KCTD16: variants seen among roughly 807,000 people sequenced by gnomAD.
KCTD16 encodes the protein BTB/POZ domain-containing protein KCTD16.
Under a neutral mutation model 33.2 loss-of-function variants are expected in KCTD16, and 13 were observed. That is an observed-to-expected ratio of 0.39 (90% CI 0.25 to 0.62). The LOEUF is 0.62. Ranked by LOEUF, KCTD16 falls within the 20% of genes least tolerant of loss-of-function variation. The pLI is 0.50. For synonymous variants in KCTD16, 197 were observed against 195.3 expected (o/e 1.01, Z -0.07); for missense variants, 441 against 525.1 (o/e 0.84, Z 1.57).
Position 144,207,174 on chromosome 5 carries a change from T to C in KCTD16, c.460T>C (p.Ser154Pro), listed in dbSNP as rs776987268. The C allele has an allele frequency of 1.3e-5, 21 of 1,612,574 alleles. No homozygotes were observed. Among genetic ancestry groups the C allele is most frequent in the Middle Eastern group, 1.6e-4 (1 of 6,078 alleles). The change falls in exon 3 of 4, where the codon TCC becomes CCC. Residue 154 changes from serine (S) to proline (P), a missense_variant. Ser to Pro is a moderately conservative substitution (Grantham distance 74). Around this residue, in one of 3 missense-constraint regions of KCTD16, gnomAD observed 355 missense variants for 413.0 expected, o/e 0.86. Transcript: ENST00000512467. ...QGSDTRICPP[S>P]SLLPADRKWG... Reference sequence around the variant, plus strand: ...AAGCGACACAAGAATCTGCCCCCCTTCCTCCCTGCTCCCTGCCGACCGCAA... The same window carrying C: ...AAGCGACACAAGAATCTGCCCCCCTCCCTCCCTGCTCCCTGCCGACCGCAA...
intron 3 of KCTD16, among the ~76,000 whole-genome samples, chr5:144,430,084 A>G (rs1266911711): frequency 6.6e-6 from 1 of 152,050 alleles, no homozygotes; most frequent in Non-Finnish European, 1.5e-5. Flanking sequence ...AGCTAGCTGA[A>G]TCTATATGAT....
intron 3 of KCTD16, among the ~76,000 whole-genome samples, chr5:144,420,269 A>G (rs1407779956): frequency 6.6e-6 from 1 of 152,150 alleles, no homozygotes; most frequent in Non-Finnish European, 1.5e-5. Flanking sequence ...GGGAATGCAG[A>G]TTGAACTAAG....
chr5:144,248,383 G>C (rs1754606186), intron 3 of KCTD16, among the ~76,000 whole-genome samples: 1 of 152,200 alleles, frequency 6.6e-6, no homozygotes, highest in Non-Finnish European at 1.5e-5. Context: ...GGAACACCAA[G>C]AAGGCCGGTG....
chr5:144,288,020 T>C (rs10037551), intron 3 of KCTD16, among the ~76,000 whole-genome samples: 35,451 of 152,052 alleles, frequency 0.23, 4,357 homozygotes, highest in Non-Finnish European at 0.28. Context: ...TTTTAAACTT[T>C]AGTGTGCATA....
chr5:144,383,807 T>C (rs778700962), intron 3 of KCTD16, among the ~76,000 whole-genome samples: 3 of 152,146 alleles, frequency 2.0e-5, no homozygotes, highest in Non-Finnish European at 4.4e-5. Context: ...CTTTATTTGG[T>C]TTCAGTTATG....
intron 3 of KCTD16, among the ~76,000 whole-genome samples, chr5:144,356,417 T>A (rs969477055): frequency 4.0e-5 from 6 of 151,896 alleles, no homozygotes; most frequent in African/African-American, 1.5e-4. Context: ...TGGTCTTCAG[T>A]TTTTTTTCAT....
At chr5:144,296,326 ATAC>A (rs1436849870) in intron 3 of KCTD16, among the ~76,000 whole-genome samples, 1 of 152,264 alleles carries the variant, frequency 6.6e-6, no homozygotes, top group Non-Finnish European at 1.5e-5. Flanking sequence ...GAATGAATAA[ATAC>A]ATTTATGTAA....
intron 3 of KCTD16, among the ~76,000 whole-genome samples, chr5:144,212,112 C>T (rs927537138): frequency 7.9e-5 from 12 of 152,036 alleles, no homozygotes; most frequent in Admixed American, 6.6e-4. Context: ...AAAAACAAAC[C>T]GCAGTTTAAG....
chr5:144,355,920 C>A (rs244522), intron 3 of KCTD16, among the ~76,000 whole-genome samples: 32,357 of 152,036 alleles, frequency 0.21, 3,898 homozygotes, highest in Non-Finnish European at 0.27. Context: ...TTAGGTCAAC[C>A]CATTTGGGAG....
intron 3 of KCTD16, among the ~76,000 whole-genome samples, chr5:144,254,738 A>G (rs964090957): frequency 6.6e-6 from 1 of 151,856 alleles, no homozygotes; most frequent in Non-Finnish European, 1.5e-5. Flanking sequence ...AGTGTTTTAC[A>G]TACCTCATAT....
At position 144,244,284 on chromosome 5, in the gene KCTD16, C is replaced by T. The variant is rs77014867; in HGVS notation, c.832+36738C>T. Among the ~76,000 whole-genome samples, 1,484 of 152,220 alleles carry T rather than the reference C, an allele frequency of 9.7e-3. 22 individuals carry two copies. The highest frequency in any genetic ancestry group is 0.033 in the African/African-American group (1,390 of 41,516). On this transcript the variant is annotated intron_variant, in intron 3 of 3. Transcript: ENST00000512467. ...CTATAAGATGCTTGATTATGACATACTGAGTTATGCTAAGACATGGTTCCT... is the reference window on the plus strand; with the variant it reads ...CTATAAGATGCTTGATTATGACATATTGAGTTATGCTAAGACATGGTTCCT...
At chr5:144,192,413 G>A (rs779006354) in intron 2 of KCTD16, among the ~76,000 whole-genome samples, 6 of 152,262 alleles carry the variant, frequency 3.9e-5, no homozygotes, top group Middle Eastern at 3.4e-3. Context: ...TTTATAGTTT[G>A]CTTAATCATT....
chr5:144,390,474 T>C (rs1752423175), intron 3 of KCTD16, among the ~76,000 whole-genome samples: 1 of 152,138 alleles, frequency 6.6e-6, no homozygotes, highest in African/African-American at 2.4e-5. Flanking sequence ...AATTCAGTCA[T>C]TAAACTGAGC....
intron 2 of KCTD16, among the ~76,000 whole-genome samples, chr5:144,190,687 A>T (rs1048794836): frequency 6.6e-6 from 1 of 152,148 alleles, no homozygotes; most frequent in East Asian, 1.9e-4. Context: ...CTTTGCTATT[A>T]ATACCCCTCC....
rs1397246731 is a variant in KCTD16, at chr5:144,179,441, C to G, written c.-327+4969C>G. ...TATTCACTCTGCTCCTGAGTGTAAC[C>G]ACTATGTATCCCTGCATGCGTGCAG... is the stretch of plus-strand genomic sequence containing the variant. On this transcript the variant is annotated intron_variant, in intron 2 of 3. Coordinates refer to ENST00000512467, the MANE Select transcript of KCTD16 (RefSeq NM_020768.4). 2.0e-5 allele frequency among the ~76,000 whole-genome samples: 3 copies of G among 152,274 alleles called. No homozygotes were observed. In the South Asian group the frequency reaches 6.2e-4, roughly 32 times the overall value.
intron 1 of KCTD16, among the ~76,000 whole-genome samples, chr5:144,174,076 A>C (rs574379003): frequency 1.3e-5 from 2 of 152,240 alleles, no homozygotes; most frequent in African/African-American, 4.8e-5. Flanking sequence ...CATGAGCTAG[A>C]CTTGTAATAG....
intron 3 of KCTD16, among the ~76,000 whole-genome samples, chr5:144,469,504 G>T (rs772196902): frequency 1.3e-5 from 2 of 152,120 alleles, no homozygotes; most frequent in Admixed American, 1.3e-4. Context: ...ATGGAATAGC[G>T]TCAGCATTGT....
intron 3 of KCTD16, among the ~76,000 whole-genome samples, chr5:144,238,688 A>G (rs1034974874): frequency 5.3e-5 from 8 of 152,042 alleles, no homozygotes; most frequent in Admixed American, 5.3e-4. Flanking sequence ...TGTGTTCTCT[A>G]TTGGGATCTG....
At chr5:144,251,869 T>G in intron 3 of KCTD16, among the ~76,000 whole-genome samples, 1 of 152,206 alleles carries the variant, frequency 6.6e-6, no homozygotes, top group South Asian at 2.1e-4. Context: ...GAAGAAGTCT[T>G]TCTTTTGAAA....
Sources: gnomAD v4.1 joint callset for allele counts (sites outside exome capture counted in the v4.1 genomes callset) on GRCh38, gnomAD v4.1.1 for gene constraint, gnomAD v4.1.1 regional missense constraint, MANE v1.5 for transcripts, NCBI Gene and HGNC (gene_info 2026-07-23, HGNC 2026-07-21) for gene names.